The following PPP5C variants were observed in gnomAD, a reference collection of about 807,000 sequenced individuals.
PPP5C encodes the protein protein phosphatase 5 catalytic subunit.
Under a neutral mutation model 66.7 loss-of-function variants are expected in PPP5C, and 21 were observed. The ratio of observed to expected loss-of-function variants is 0.31; its 90% CI spans 0.22 to 0.45. PPP5C has a LOEUF of 0.45. Ranked by LOEUF, PPP5C falls within the 20% of genes least tolerant of loss-of-function variation. The pLI is 1.00. For synonymous variants in PPP5C, 246 were observed against 257.4 expected, an observed-to-expected ratio of 0.96 and a Z score of 0.43; for missense variants, 464 against 675.9, an observed-to-expected ratio of 0.69 and a Z score of 3.48.
Position 46,383,519 on chromosome 19 carries a change from G to A in PPP5C, c.699+43G>A. Reference sequence around the variant, plus strand: ...GTGCGGGGAGGGCCAGCGGGGGTGGGCTCTCTGGCTGGGGAGGGGCCACAG... The same window carrying A: ...GTGCGGGGAGGGCCAGCGGGGGTGGACTCTCTGGCTGGGGAGGGGCCACAG... On this transcript the variant is annotated intron_variant, in intron 5 of 12. Transcript: ENST00000012443. This position sits in a 1 kb window ranked among gnomAD's most constrained non-coding sequence, Gnocchi z 5.0. 6.5e-7 allele frequency: 1 copy of A among 1,533,004 alleles called. No individual in the cohort carries two copies. Among genetic ancestry groups the A allele is most frequent in the Non-Finnish European group, 8.9e-7 (1 of 1,126,780 alleles). 95.0% of individuals were successfully genotyped at this position (1,533,004 alleles called of 1,614,324 possible).
Position 46,376,679 on chromosome 19 carries a change from C to T in PPP5C, c.633+105C>T, listed in dbSNP as rs997967452. 1 of 1,460,498 alleles carries T rather than the reference C, an allele frequency of 6.8e-7. No homozygotes were observed. The highest frequency in any genetic ancestry group is 9.3e-7 in the Non-Finnish European group (1 of 1,074,428). The allele number at this position is 1,460,498 out of a possible 1,614,324, so 90.5% of individuals were successfully genotyped here. On this transcript the variant is annotated intron_variant, in intron 4 of 12. Coordinates refer to ENST00000012443, the MANE Select transcript of PPP5C (RefSeq NM_006247.4). The surrounding 1 kb of genome is among the most constrained non-coding windows in gnomAD (Gnocchi z 5.1). ...AACGACAGGAGAAGGGCGGCCATGACAGCCAACACCAAACAGGAGTCGTGT... is the reference window on the plus strand; with the variant it reads ...AACGACAGGAGAAGGGCGGCCATGATAGCCAACACCAAACAGGAGTCGTGT...
At position 46,367,388 on chromosome 19, in the gene PPP5C, A is replaced by C. The variant is rs533000570; in HGVS notation, c.364-8216A>C. Reference sequence around the variant, plus strand: ...CACCAACATCTTCCCCAGATTCTGCATGTAATGTTGCTGCTTGGGGAGTTT... The same window carrying C: ...CACCAACATCTTCCCCAGATTCTGCCTGTAATGTTGCTGCTTGGGGAGTTT... On this transcript the variant is annotated intron_variant, in intron 2 of 12. Transcript: ENST00000012443. Among the ~76,000 whole-genome samples the C allele has an allele frequency of 1.9e-4, 29 of 152,304 alleles. No individual in the cohort carries two copies. The South Asian group carries it at 4.6e-3, about 24-fold the overall frequency.
At chr19:46,356,060 G>A (rs980252521) in intron 2 of PPP5C, among the ~76,000 whole-genome samples, 2 of 152,176 alleles carry the variant, frequency 1.3e-5, no homozygotes, top group Non-Finnish European at 2.9e-5. Context: ...TCCCAACCCC[G>A]CATACTCCCT....
At chr19:46,375,837 G>C in intron 3 of PPP5C, 86 bp downstream of exon 3, 1 of 1,494,446 alleles carries the variant, frequency 6.7e-7, no homozygotes, top group South Asian at 1.4e-5. Context: ...GTTGGGCTCA[G>C]GGGTGGCCCC....
intron 7 of PPP5C, among the ~76,000 whole-genome samples, chr19:46,386,098 C>G (rs775945415): frequency 6.6e-6 from 1 of 152,096 alleles, no homozygotes; most frequent in Non-Finnish European, 1.5e-5. Flanking sequence ...GTGACGAAGA[C>G]GGGAACATGT....
chr19:46,351,904 C>T (rs1172045187), intron 1 of PPP5C, among the ~76,000 whole-genome samples: 2 of 152,212 alleles, frequency 1.3e-5, no homozygotes, highest in Non-Finnish European at 2.9e-5. Context: ...AGGAGGGCTT[C>T]CCGGAGGAGG....
chr19:46,349,345 A>G (rs1259560481), intron 1 of PPP5C, among the ~76,000 whole-genome samples: 5 of 151,614 alleles, frequency 3.3e-5, no homozygotes, highest in African/African-American at 1.2e-4. Flanking sequence ...TTTTGTAAGG[A>G]TGGAAGAGAG....
intron 4 of PPP5C, among the ~76,000 whole-genome samples, chr19:46,381,266 C>T (rs1972786070): frequency 6.6e-6 from 1 of 152,158 alleles, no homozygotes; most frequent in Non-Finnish European, 1.5e-5. Context: ...TCCACCTTTT[C>T]CACCAAGTCC....
At chr19:46,361,129 A>ATTTTT (rs59090221) in intron 2 of PPP5C, among the ~76,000 whole-genome samples, 1 of 140,252 alleles carries the variant, frequency 7.1e-6, no homozygotes. Context: ...GTGAAAGAAA[A>ATTTTT]TTTTTTTTTT....
chr19:46,379,873 T>C (rs564234493), intron 4 of PPP5C, among the ~76,000 whole-genome samples: 2 of 152,232 alleles, frequency 1.3e-5, no homozygotes, highest in East Asian at 3.8e-4. Context: ...TGAGCAGATA[T>C]CACTGAAAAT....
In PPP5C at chr19:46,356,382, A is replaced by G. The variant is rs1013095076; in HGVS notation, c.363+2393A>G. ...GGGCAGTTCATCTTCCCAAGACTCT[A>G]CCTCCTGCTTGCTGGATGCTAGAGT... On this transcript the variant is annotated intron_variant, in intron 2 of 12. Coordinates refer to ENST00000012443, the MANE Select transcript of PPP5C (RefSeq NM_006247.4). Among the ~76,000 whole-genome samples the G allele has an allele frequency of 3.9e-5, 6 of 152,228 alleles. No individual in the cohort carries two copies. The South Asian group carries it at 1.2e-3, about 32-fold the overall frequency.
At chr19:46,349,816 G>A (rs116306123) in intron 1 of PPP5C, among the ~76,000 whole-genome samples, 108 of 151,926 alleles carry the variant, frequency 7.1e-4, no homozygotes, top group African/African-American at 2.5e-3. Context: ...GGAAGTGAGA[G>A]TGGCTGCCTG....
Position 46,376,888 on chromosome 19 carries a change from T to C in PPP5C, c.633+314T>C, listed in dbSNP as rs1277407807. Among the ~76,000 whole-genome samples the C allele has an allele frequency of 1.1e-4, 17 of 152,150 alleles. No individual in the cohort carries two copies. The highest frequency in any genetic ancestry group is 2.5e-4 in the Non-Finnish European group (17 of 68,028). Reference sequence around the variant, plus strand: ...TGCTTTGAGTTCTCATCCCAGGCTCTTGGGCGTCTGTGGCTGCTGGTTGTT... The same window carrying C: ...TGCTTTGAGTTCTCATCCCAGGCTCCTGGGCGTCTGTGGCTGCTGGTTGTT... On this transcript the variant is annotated intron_variant, in intron 4 of 12. Coordinates refer to ENST00000012443, the MANE Select transcript of PPP5C (RefSeq NM_006247.4). The surrounding 1 kb of genome is among the most constrained non-coding windows in gnomAD (Gnocchi z 5.1).
intron 4 of PPP5C, chr19:46,382,060 C>A (rs1434747841): frequency 2.6e-5 from 4 of 152,184 alleles, no homozygotes; most frequent in Non-Finnish European, 1.5e-5. Flanking sequence ...TCCAGTCTCG[C>A]CCCCACTTCT....
chr19:46,388,358 A>C lies in PPP5C; in HGVS notation c.1136-50A>C, dbSNP rs758415140. 6 of 1,560,448 alleles carry C rather than the reference A, an allele frequency of 3.8e-6. No homozygotes were observed. The highest frequency in any genetic ancestry group is 1.2e-5 in the South Asian group (1 of 84,626). Reference sequence around the variant, plus strand: ...GCCAGGAGGTGGCCTGTGAGTGACCACCCCCGGGGAGGTGGACGAGTCCCT... The same window carrying C: ...GCCAGGAGGTGGCCTGTGAGTGACCCCCCCCGGGGAGGTGGACGAGTCCCT... On this transcript the variant is annotated intron_variant, in intron 9 of 12. Coordinates refer to ENST00000012443, the MANE Select transcript of PPP5C (RefSeq NM_006247.4). This position sits in a 1 kb window ranked among gnomAD's most constrained non-coding sequence, Gnocchi z 4.9.
chr19:46,375,157 G>A (rs1291746097), intron 2 of PPP5C, among the ~76,000 whole-genome samples: 2 of 152,186 alleles, frequency 1.3e-5, no homozygotes. Flanking sequence ...GGGAGTCCAT[G>A]TCGTCCAGCA....
intron 2 of PPP5C, among the ~76,000 whole-genome samples, chr19:46,356,501 C>T (rs974740082): frequency 3.9e-5 from 6 of 152,218 alleles, no homozygotes; most frequent in African/African-American, 9.6e-5. Flanking sequence ...GTTTCCTCAG[C>T]GGTCTGCTCA....
chr19:46,376,492 G>A lies in PPP5C; in HGVS notation c.551G>A (p.Gly184Asp), dbSNP rs1272145503. ...TACAGCGGACCCAAGCTTGAAGACG[G>A]CAAAGTGACAATCAGTTTCATGAAG... is the stretch of plus-strand genomic sequence containing the variant. ...DEYSGPKLED[G>D]KVTISFMKEL... is the part of the protein sequence containing the mutation. The change falls in exon 4 of 13, where the codon GGC (glycine) becomes GAC (aspartate). Residue 184 changes from glycine to aspartate, a missense_variant. Physicochemically the swap from Gly to Asp is moderately conservative, Grantham distance 94. Transcript: ENST00000012443. The surrounding 1 kb of genome is among the most constrained non-coding windows in gnomAD (Gnocchi z 5.1). 7 of 1,613,626 alleles carry A rather than the reference G, an allele frequency of 4.3e-6. No individual in the cohort carries two copies. Among genetic ancestry groups the A allele is most frequent in the African/African-American group, 4.0e-5 (3 of 74,850 alleles).
At chr19:46,359,015 GTTTCT>G (rs1437897905) in intron 2 of PPP5C, among the ~76,000 whole-genome samples, 2 of 152,144 alleles carry the variant, frequency 1.3e-5, no homozygotes, top group African/African-American at 2.4e-5. Context: ...TCAAGGAAAA[GTTTCT>G]TTTCTTTCTC....
Sources: gnomAD v4.1 joint callset for allele counts (sites outside exome capture counted in the v4.1 genomes callset) on GRCh38, gnomAD v4.1.1 for gene constraint, Gnocchi (gnomAD v3.1) non-coding constraint, MANE v1.5 for transcripts, NCBI Gene and HGNC (gene_info 2026-07-23, HGNC 2026-07-21) for gene names.